The following POLG variants were observed in gnomAD, a reference collection of about 807,000 sequenced individuals.
POLG encodes the protein DNA polymerase subunit gamma-1.
POLG carries 110 observed loss-of-function variants against 155.4 expected under a neutral mutation model. The ratio of observed to expected loss-of-function variants is 0.71; its 90% CI spans 0.61 to 0.83. The LOEUF is 0.83. Among genes scored for constraint, POLG ranks in the 40% least tolerant of loss-of-function variants. POLG has a pLI of 0.00. For missense variants in POLG, 1,685 were observed against 1,627.5 expected (o/e 1.04, Z -0.61); for synonymous variants, 701 against 631.5 (o/e 1.11, Z -1.65).
chr15:89,325,099 AGAGAGT>A lies in POLG; in HGVS notation c.1949+345_1949+350del, dbSNP rs1349581902. On this transcript the variant is annotated intron_variant, in intron 10 of 22. Coordinates refer to ENST00000268124, the MANE Select transcript of POLG (RefSeq NM_002693.3). ...GAGTGAGTGAGAGAGTGAGTGAGTGAGAGAGTGAGAGAGAGTGAGTGAGTGAGTGAG... is the reference window on the plus strand; with the variant it reads ...GAGTGAGTGAGAGAGTGAGTGAGTGAGAGAGAGAGTGAGTGAGTGAGTGAG... Among the ~76,000 whole-genome samples, 8 of 80,370 alleles carry A rather than the reference AGAGAGT, an allele frequency of 1.0e-4. 1 individual carries two copies. The highest frequency in any genetic ancestry group is 5.5e-4 in the African/African-American group (6 of 10,840). 52.7% of individuals were successfully genotyped at this position (80,370 alleles called of 152,430 possible).
At chr15:89,326,237 C>G (rs375234266) in intron 9 of POLG, among the ~76,000 whole-genome samples, 8 of 152,216 alleles carry the variant, frequency 5.3e-5, no homozygotes, top group Non-Finnish European at 1.0e-4. Flanking sequence ...CTCAAGGAAG[C>G]CTTCTTGATT....
chr15:89,316,665 A>C lies in POLG; in HGVS notation c.*86T>G, dbSNP rs968155183. 10 of 1,294,660 alleles carry C rather than the reference A, an allele frequency of 7.7e-6. No individual in the cohort carries two copies. Among genetic ancestry groups the C allele is most frequent in the Non-Finnish European group, 1.1e-5 (10 of 892,402 alleles). The allele number at this position is 1,294,660 out of a possible 1,614,324, so 80.2% of individuals were successfully genotyped here. A position where few individuals can be genotyped will look rare whatever the true frequency, so the allele number is the denominator to read the frequency against. On this transcript the variant is annotated 3_prime_UTR_variant, in exon 23 of 23. Transcript: ENST00000268124. ...CTGGCCTTAGGCAAGCCCTTTTGCA[A>C]AAAGCACAGCTGAAAGCCTGAGTTT...
Position 89,333,080 on chromosome 15 carries a change from C to G in POLG, c.659+16G>C. The G allele has an allele frequency of 2.0e-6, 3 of 1,510,260 alleles. No individual in the cohort carries two copies. The highest frequency in any genetic ancestry group is 2.3e-5 in the Admixed American group (1 of 44,020). The allele number at this position is 1,510,260 out of a possible 1,614,324, so 93.6% of individuals were successfully genotyped here. A position where few individuals can be genotyped will look rare whatever the true frequency, so the allele number is the denominator to read the frequency against. ...CCCCCATGCCTGCTTATGTCCCCAA[C>G]CCTGCCCCTACTTACCAGGCCGAGG... On this transcript the variant is annotated intron_variant, in intron 2 of 22. Coordinates refer to ENST00000268124, the MANE Select transcript of POLG (RefSeq NM_002693.3).
chr15:89,333,399 G>A lies in POLG; in HGVS notation c.356C>T (p.Pro119Leu). 3 of 1,598,978 alleles carry A rather than the reference G, an allele frequency of 1.9e-6. No individual in the cohort carries two copies. The highest frequency in any genetic ancestry group is 2.6e-6 in the Non-Finnish European group (3 of 1,175,992). The part of the protein sequence containing the change: ...KHGLWGQPAV[P>L]LPDVELRLPP... Reference sequence around the variant, plus strand: ...CAGGCGCAGCTCCACGTCGGGCAAGGGCACGGCTGGCTGCCCCCAGAGCCC... The same window carrying A: ...CAGGCGCAGCTCCACGTCGGGCAAGAGCACGGCTGGCTGCCCCCAGAGCCC... The change falls in exon 2 of 23, where the codon CCC (proline) becomes CTC (leucine). Residue 119 changes from proline to leucine, a missense_variant. This residue lies in a region of POLG where 1,210 missense variants were observed against 1,167.1 expected (regional missense o/e 1.04). Transcript: ENST00000268124.
intron 3 of POLG, among the ~76,000 whole-genome samples, chr15:89,329,741 G>A (rs1251646203): frequency 6.6e-6 from 1 of 152,196 alleles, no homozygotes; most frequent in Non-Finnish European, 1.5e-5. Flanking sequence ...CTAAGACTTA[G>A]AGATGTTAAG....
At chr15:89,334,344 C>A (rs2055642334) in intron 1 of POLG, 1 of 153,430 alleles carries the variant, frequency 6.5e-6, no homozygotes, top group Non-Finnish European at 1.5e-5. Flanking sequence ...GGCAAGCGCT[C>A]GGCAAATGGT....
At chr15:89,325,761 A>C in intron 9 of POLG, 75 bp from the exon 10 acceptor site, 2 of 1,151,748 alleles carry the variant, frequency 1.7e-6, no homozygotes, top group Non-Finnish European at 2.6e-6. Context: ...CTCTCTCACA[A>C]TGTCCCCACC....
At chr15:89,324,266 C>G (rs1238271797) in intron 10 of POLG, 39 bp from the exon 11 acceptor site, 1 of 1,607,014 alleles carries the variant, frequency 6.2e-7, no homozygotes, top group Non-Finnish European at 8.5e-7. Flanking sequence ...CGCTGATTAC[C>G]AGATGCCCAC....
chr15:89,323,123 G>A (rs2055422057), intron 13 of POLG, among the ~76,000 whole-genome samples: 1 of 152,198 alleles, frequency 6.6e-6, no homozygotes, highest in African/African-American at 2.4e-5. Flanking sequence ...CTGGCTCCCT[G>A]CATAATAACA....
At chr15:89,325,084 G>A (rs1250430575) in intron 10 of POLG, among the ~76,000 whole-genome samples, 2 of 90,540 alleles carry the variant, frequency 2.2e-5, no homozygotes, top group African/African-American at 1.2e-4. Flanking sequence ...GAGTGAGTGA[G>A]AGAGTGAGTG....
Position 89,320,830 on chromosome 15 carries a change from G to C in POLG, c.2917C>G (p.Leu973Val). 1.2e-6 allele frequency: 2 copies of C among 1,613,944 alleles called. No homozygotes were observed. The highest frequency in any genetic ancestry group is 1.7e-6 in the Non-Finnish European group (2 of 1,180,016). Residue 973 changes from leucine to valine, a missense_variant, in exon 18 of 23, where the codon CTC becomes GTC. This residue lies in a region of POLG where 470 missense variants were observed against 439.9 expected (regional missense o/e 1.07). Coordinates refer to ENST00000268124, the MANE Select transcript of POLG (RefSeq NM_002693.3). ...TTCTCAGCTGCCTCCTGCTGTGTGA[G>C]CCGGTGGTTAAACTGCATTAGTAAG... ...ERLLMQFNHR[L>V]TQQEAAEKAQ...
At chr15:89,328,386 C>A (rs1414178176) in intron 6 of POLG, 70 bp downstream of exon 6, 1 of 1,238,608 alleles carries the variant, frequency 8.1e-7, no homozygotes, top group Non-Finnish European at 1.2e-6. Flanking sequence ...CCAGCGCCAC[C>A]TGATTACAGT....
Position 89,327,258 on chromosome 15 carries a change from C to T in POLG, c.1342G>A (p.Ala448Thr), listed in dbSNP as rs1394160595. 4 of 1,614,148 alleles carry T rather than the reference C, an allele frequency of 2.5e-6. No individual in the cohort carries two copies. Among genetic ancestry groups the T allele is most frequent in the South Asian group, 1.1e-5 (1 of 91,090 alleles). Residue 448 changes from alanine to threonine, a missense_variant, in exon 7 of 23, where the codon GCA becomes ACA. Physicochemically the swap from Ala to Thr is moderately conservative, Grantham distance 58. Around this residue, in one of 3 missense-constraint regions of POLG, gnomAD observed 1,210 missense variants for 1,167.1 expected, o/e 1.04. Coordinates refer to ENST00000268124, the MANE Select transcript of POLG (RefSeq NM_002693.3). ...NQNWERYLAE[A>T]QGTYEELQRE... is the part of the protein sequence containing the mutation. ...TGGAGCTCCTCATAAGTGCCCTGTG[C>T]CTCTGCCAGGTAACGCTCCCAGTTC...
Position 89,316,754 on chromosome 15 carries a change from T to C in POLG, c.3717A>G (p.Pro1239=), listed in dbSNP as rs764634689. Residue 1239 remains proline, a synonymous_variant, in exon 23 of 23, where the codon CCA becomes CCG. Coordinates refer to ENST00000268124, the MANE Select transcript of POLG (RefSeq NM_002693.3). The part of the protein sequence containing the change: ...GSLEKRSQPG[P] Reference sequence around the variant, plus strand: ...AATACAGAGCCTCCAGGCAGTGCTATGGTCCAGGCTGGCTTCGTTTTTCCA... The same window carrying C: ...AATACAGAGCCTCCAGGCAGTGCTACGGTCCAGGCTGGCTTCGTTTTTCCA... 8 of 1,611,754 alleles carry C rather than the reference T, an allele frequency of 5.0e-6. No individual in the cohort carries two copies. The highest frequency in any genetic ancestry group is 2.2e-5 in the East Asian group (1 of 44,890).
At chr15:89,321,911 TACC>T in intron 15 of POLG, 48 bp downstream of exon 15, 1 of 1,605,504 alleles carries the variant, frequency 6.2e-7, no homozygotes, top group South Asian at 1.1e-5. Context: ...CCTTAGGACC[TACC>T]ACCTCACCTC....
intron 3 of POLG, 28 bp downstream of exon 3, chr15:89,330,052 GA>G: frequency 6.3e-7 from 1 of 1,590,650 alleles, no homozygotes; most frequent in South Asian, 1.1e-5. Context: ...TCCCATGCCA[GA>G]ACCTGCAGTT....
chr15:89,330,967 G>C (rs2055586819), intron 2 of POLG, among the ~76,000 whole-genome samples: 1 of 152,276 alleles, frequency 6.6e-6, no homozygotes. Flanking sequence ...TTCAGGAAAA[G>C]GCTGCAGTTT....
In POLG at chr15:89,316,457, T is replaced by TAAATGAAATGCCTGAGTTA; in HGVS notation, c.*275_*293dup. The stretch of plus-strand genomic sequence containing the variant: ...ACCAGCCAAGAAGAAAAGGAAAAAA[T>TAAATGAAATGCCTGAGTTA]AAATGAAATGCCTGAGTTAATGTGA... On this transcript the variant is annotated 3_prime_UTR_variant, in exon 23 of 23. Transcript: ENST00000268124. 6.2e-7 allele frequency: 1 copy of TAAATGAAATGCCTGAGTTA among 1,609,192 alleles called. No homozygotes were observed. Among genetic ancestry groups the TAAATGAAATGCCTGAGTTA allele is most frequent in the Non-Finnish European group, 8.5e-7 (1 of 1,177,158 alleles).
rs1216905796 is a variant in POLG, at chr15:89,316,332, CTTTT to C, written c.*415_*418del. 8.1e-6 allele frequency: 12 copies of C among 1,481,264 alleles called. No individual in the cohort carries two copies. The highest frequency in any genetic ancestry group is 2.0e-5 in the Admixed American group (1 of 49,988). 91.8% of individuals were successfully genotyped at this position (1,481,264 alleles called of 1,614,324 possible). Reference sequence around the variant, plus strand: ...AGAAGATAGAGTCTTTTTTTTCCTTCTTTTTATTTCCACTGCCTTGGAGCAGGTT... The same window carrying C: ...AGAAGATAGAGTCTTTTTTTTCCTTCTATTTCCACTGCCTTGGAGCAGGTT... On this transcript the variant is annotated 3_prime_UTR_variant, in exon 23 of 23. Coordinates refer to ENST00000268124, the MANE Select transcript of POLG (RefSeq NM_002693.3).
Sources: gnomAD v4.1 joint callset for allele counts (sites outside exome capture counted in the v4.1 genomes callset) on GRCh38, gnomAD v4.1.1 for gene constraint, gnomAD v4.1.1 regional missense constraint, MANE v1.5 for transcripts, NCBI Gene and HGNC (gene_info 2026-07-23, HGNC 2026-07-21) for gene names.